Variants in EXOSC2 observed in about 807,000 individuals in gnomAD.
EXOSC2 encodes exosome component 2.
A neutral mutation model predicts 37.6 loss-of-function variants in EXOSC2; 29 were observed. The observed-to-expected ratio is 0.77, with a 90% CI of 0.57 to 1.05. The LOEUF (loss-of-function observed/expected upper bound fraction) is 1.05, where lower values mean the gene tolerates loss of function less well. Among genes scored for constraint, EXOSC2 ranks in the 50% least tolerant of loss-of-function variants. The pLI, the probability that EXOSC2 is intolerant of heterozygous loss-of-function variation, is 0.00. For missense variants in EXOSC2, 346 were observed against 365.6 expected (o/e 0.95, Z 0.44); for synonymous variants, 119 against 131.1 (o/e 0.91, Z 0.63).
chr9:130,695,894 T>G (rs1831084512), intron 2 of EXOSC2, among the ~76,000 whole-genome samples: 1 of 142,314 alleles, frequency 7.0e-6, no homozygotes, highest in South Asian at 2.2e-4. Context: ...GGAGTCTTAC[T>G]CTGTTGCCGA....
In EXOSC2 at chr9:130,703,779, G is replaced by A; in HGVS notation, c.*5G>A. ...CTTTTGGAACAGGAGGGATAAGGAG[G>A]TGCTCCAGAAGCACGGGACTGTGGA... On this transcript the variant is annotated 3_prime_UTR_variant, in exon 9 of 9. Transcript: ENST00000372358. 2 of 1,612,280 alleles carry A rather than the reference G, an allele frequency of 1.2e-6. No homozygotes were observed. The highest frequency in any genetic ancestry group is 1.1e-5 in the South Asian group (1 of 90,854).
At chr9:130,701,577 A>G in intron 6 of EXOSC2, 2 of 986,412 alleles carry the variant, frequency 2.0e-6, no homozygotes, top group South Asian at 4.7e-5. Flanking sequence ...GTTGATGTAC[A>G]TGGAGTAGGC....
chr9:130,697,583 T>TA lies in EXOSC2; in HGVS notation c.227dup (p.Tyr76Ter), dbSNP rs1338705386. The part of the protein sequence containing the change: ...LICVKALKTR[Y>*]IGEVGDIVVG... The stretch of plus-strand genomic sequence containing the variant: ...AACCCCTTGTGTTTTGTCTTTCAGA[T>TA]ACATTGGTGAAGTAGGAGACATCGT... Residue 76 changes from tyrosine to a stop codon, truncating the protein, a stop_gained and frameshift_variant and splice_region_variant, in exon 3 of 9, where the codon TAC becomes TAAC. Transcript: ENST00000372358. LOFTEE classifies it high-confidence loss of function. 1.9e-6 allele frequency: 3 copies of TA among 1,613,976 alleles called. No individual in the cohort carries two copies. The highest frequency in any genetic ancestry group is 2.5e-6 in the Non-Finnish European group (3 of 1,179,922).
In EXOSC2 at chr9:130,697,141, G is replaced by A. The variant is rs143479389; in HGVS notation, c.225-441G>A. Among the ~76,000 whole-genome samples, 562 of 152,228 alleles carry A rather than the reference G, an allele frequency of 3.7e-3. 6 individuals are homozygous for A. Among genetic ancestry groups the A allele is most frequent in the Middle Eastern group, 0.017 (5 of 294 alleles). On this transcript the variant is annotated intron_variant, in intron 2 of 8. Coordinates refer to ENST00000372358, the MANE Select transcript of EXOSC2 (RefSeq NM_014285.7). ...GCACTGAGTACGTCTCATTAGAATC[G>A]CGGGTAAGGAACTAGCAAAGGGGCT...
chr9:130,704,250 C>G lies in EXOSC2; in HGVS notation c.*476C>G, dbSNP rs1191012815. On this transcript the variant is annotated 3_prime_UTR_variant, in exon 9 of 9. Transcript: ENST00000372358. ...GGAAGAATAAAGTTAACCAAGCAGG[C>G]CAGGCACGGTGGCTCACGCCTATAA... The G allele has an allele frequency of 6.6e-6, 1 of 152,580 alleles. No individual in the cohort carries two copies. Among genetic ancestry groups the G allele is most frequent in the Non-Finnish European group, 1.5e-5 (1 of 68,366 alleles). 9.5% of individuals were successfully genotyped at this position (152,580 alleles called of 1,614,324 possible).
At position 130,700,890 on chromosome 9, in the gene EXOSC2, T is replaced by A. The variant is rs777419805; in HGVS notation, c.450T>A (p.Ser150=). 1.9e-6 allele frequency: 3 copies of A among 1,614,124 alleles called. No homozygotes were observed. The highest frequency in any genetic ancestry group is 2.5e-6 in the Non-Finnish European group (3 of 1,180,004). ...LISAEVQAVF[S]DGAVSLHTRS... ...AGGCTGAGGTCCAGGCAGTGTTCTCTGACGGAGCTGTCTCTTTGCACACGA... is the reference window on the plus strand; with the variant it reads ...AGGCTGAGGTCCAGGCAGTGTTCTCAGACGGAGCTGTCTCTTTGCACACGA... The change falls in exon 6 of 9, where the codon TCT becomes TCA. Residue 150 remains serine (S), a synonymous_variant. Transcript: ENST00000372358.
intron 7 of EXOSC2, among the ~76,000 whole-genome samples, 172 bp downstream of exon 7, chr9:130,702,482 A>G (rs1188943372): frequency 6.6e-6 from 1 of 151,986 alleles, no homozygotes; most frequent in East Asian, 1.9e-4. Flanking sequence ...TCTTCTAAGG[A>G]GATGAATTCA....
intron 2 of EXOSC2, among the ~76,000 whole-genome samples, chr9:130,695,922 G>A (rs142860100): frequency 0.011 from 1,607 of 147,308 alleles, 44 homozygotes; most frequent in African/African-American, 0.04. Context: ...GTGCAGTGGC[G>A]TGATCTCGGC....
intron 5 of EXOSC2, chr9:130,699,771 G>T (rs7026964): frequency 0.027 from 5,194 of 194,272 alleles, 277 homozygotes; most frequent in African/African-American, 0.11. Context: ...GAAGGCCAAG[G>T]AGGGAGGACT....
At chr9:130,700,099 C>T (rs1039250730) in intron 5 of EXOSC2, among the ~76,000 whole-genome samples, 6 of 152,148 alleles carry the variant, frequency 3.9e-5, no homozygotes, top group Admixed American at 2.0e-4. Context: ...GATCTCGGCT[C>T]ACTGCAACGT....
chr9:130,702,581 TTTTG>T (rs58698988), intron 7 of EXOSC2, among the ~76,000 whole-genome samples: 1 of 151,192 alleles, frequency 6.6e-6, no homozygotes, highest in Non-Finnish European at 1.5e-5. Context: ...TTTTCTGTTT[TTTTG>T]TTTGTTTGTT....
chr9:130,701,028 C>G, intron 6 of EXOSC2, 93 bp downstream of exon 6: 1 of 1,194,908 alleles, frequency 8.4e-7, no homozygotes, highest in Non-Finnish European at 1.2e-6. Flanking sequence ...GCCTAAAGAA[C>G]CCCAGTAGCT....
At position 130,698,242 on chromosome 9, in the gene EXOSC2, A is replaced by AGGAG. The variant is rs1422190781; in HGVS notation, c.352_355dup (p.Glu119GlyfsTer11). 1 of 1,613,892 alleles carries AGGAG rather than the reference A, an allele frequency of 6.2e-7. No individual in the cohort carries two copies. On this transcript the variant is annotated frameshift_variant, in exon 4 of 9. Coordinates refer to ENST00000372358, the MANE Select transcript of EXOSC2 (RefSeq NM_014285.7). LOFTEE classifies it high-confidence loss of function. This position sits in a 1 kb window ranked among gnomAD's most constrained non-coding sequence, Gnocchi z 4.1. ...TGCTCTCGTCCATGAACCTTCCTGG[A>AGGAG]GGAGAGCTGGTAAGGGCTACAGCTG...
chr9:130,693,990 C>A lies in EXOSC2; in HGVS notation c.122+77C>A. On this transcript the variant is annotated intron_variant, in intron 1 of 8. Coordinates refer to ENST00000372358, the MANE Select transcript of EXOSC2 (RefSeq NM_014285.7). ...TCTGCACGTGGTCCAGGCCTCGTATCCCTGTGTGTGTAACTCCCCGCGGGA... is the reference window on the plus strand; with the variant it reads ...TCTGCACGTGGTCCAGGCCTCGTATACCTGTGTGTGTAACTCCCCGCGGGA... 5 of 1,492,622 alleles carry A rather than the reference C, an allele frequency of 3.3e-6. No individual in the cohort carries two copies. The South Asian group carries it at 6.5e-5, about 19-fold the overall frequency. 92.5% of individuals were successfully genotyped at this position (1,492,622 alleles called of 1,614,324 possible).
chr9:130,702,315 G>A lies in EXOSC2; in HGVS notation c.672+5G>A, dbSNP rs749317630. ...GGCTTCATTGCAAACCTGGAGGTGA[G>A]CAAACACTGTGGCCATTTTCAGTGG... is the stretch of plus-strand genomic sequence containing the variant. On this transcript the variant is annotated splice_donor_5th_base_variant and intron_variant, in intron 7 of 8. Transcript: ENST00000372358. The A allele has an allele frequency of 3.1e-6, 5 of 1,611,482 alleles. No homozygotes were observed. The South Asian group carries it at 4.4e-5, about 14-fold the overall frequency.
Position 130,693,875 on chromosome 9 carries a change from G to T in EXOSC2, c.84G>T (p.Val28=). 1 of 1,612,356 alleles carries T rather than the reference G, an allele frequency of 6.2e-7. No homozygotes were observed. Among genetic ancestry groups the T allele is most frequent in the African/African-American group, 1.3e-5 (1 of 74,964 alleles). Residue 28 remains valine (V), a synonymous_variant, in exon 1 of 9, where the codon GTG becomes GTT. Coordinates refer to ENST00000372358, the MANE Select transcript of EXOSC2 (RefSeq NM_014285.7). ...GCGACACTAAGAAACATCTAGTGGT[G>T]CCGGGGGATACAATCACTACGGACA... is the stretch of plus-strand genomic sequence containing the variant. ...LGRDTKKHLV[V]PGDTITTDTG... is the part of the protein sequence containing the mutation.
At chr9:130,703,265 A>G in intron 8 of EXOSC2, 84 bp downstream of exon 8, 2 of 1,470,670 alleles carry the variant, frequency 1.4e-6, no homozygotes, top group South Asian at 2.6e-5. Flanking sequence ...ACATCTCCCC[A>G]ATACTTTCCC....
chr9:130,700,100 A>G (rs900740109), intron 5 of EXOSC2, among the ~76,000 whole-genome samples: 17 of 151,972 alleles, frequency 1.1e-4, no homozygotes, highest in Non-Finnish European at 2.2e-4. Context: ...ATCTCGGCTC[A>G]CTGCAACGTC....
chr9:130,693,901 C>A lies in EXOSC2; in HGVS notation c.110C>A (p.Thr37Lys). 2 of 1,609,366 alleles carry A rather than the reference C, an allele frequency of 1.2e-6. No homozygotes were observed. The highest frequency in any genetic ancestry group is 1.7e-6 in the Non-Finnish European group (2 of 1,176,638). ...CCGGGGGATACAATCACTACGGACA[C>A]AGGATTCATGCGGTACGTGGGGACT... ...VVPGDTITTDTGFMRGHGTYM... is the reference protein window; with the variant it reads ...VVPGDTITTDKGFMRGHGTYM... The change falls in exon 1 of 9, where the codon ACA becomes AAA. Residue 37 changes from threonine (T) to lysine (K), a missense_variant. Coordinates refer to ENST00000372358, the MANE Select transcript of EXOSC2 (RefSeq NM_014285.7).
Sources: allele counts gnomAD v4.1 joint callset (sites outside exome capture counted in the v4.1 genomes callset), GRCh38; gene constraint gnomAD v4.1.1; non-coding constraint Gnocchi (gnomAD v3.1); transcripts MANE v1.5; gene names NCBI Gene and HGNC (gene_info 2026-07-23, HGNC 2026-07-21).